The following GPX3 variants were observed in gnomAD, a reference collection of about 807,000 sequenced individuals.
GPX3 encodes the protein GPx-3.
Under a neutral mutation model 25.1 loss-of-function variants are expected in GPX3, and 22 were observed. The ratio of observed to expected loss-of-function variants is 0.88; its 90% CI spans 0.63 to 1.25. The LOEUF is 1.25. Ranked by LOEUF, GPX3 falls within the 50% of genes most tolerant of loss-of-function variation. GPX3 has a pLI of 0.00. For missense variants in GPX3, 278 were observed against 286.6 expected, an observed-to-expected ratio of 0.97 and a Z score of 0.22; for synonymous variants, 110 against 114.5, an observed-to-expected ratio of 0.96 and a Z score of 0.25.
rs771337658 is a variant in GPX3, at chr5:151,027,988, G to C, written c.539G>C (p.Arg180Pro). Residue 180 changes from arginine to proline, a missense_variant, in exon 5 of 5, where the codon CGC becomes CCC. By Grantham distance (103) the Arg-to-Pro change is moderately radical (BLOSUM62 -2). Transcript: ENST00000388825. The stretch of plus-strand genomic sequence containing the variant: ...GAACCCATGAAGGTTCACGACATCC[G>C]CTGGAACTTTGAGAAGTTCCTGGTG... ...FWEPMKVHDI[R>P]WNFEKFLVGP... The C allele has an allele frequency of 9.3e-6, 15 of 1,614,076 alleles. No homozygotes were observed. Among genetic ancestry groups the C allele is most frequent in the Non-Finnish European group, 1.1e-5 (13 of 1,180,036 alleles).
Position 151,028,506 on chromosome 5 carries a change from C to T in GPX3, c.*376C>T, listed in dbSNP as rs1756603208. 8.3e-6 allele frequency: 2 copies of T among 241,518 alleles called. No homozygotes were observed. The highest frequency in any genetic ancestry group is 4.8e-5 in the South Asian group (1 of 20,664). The allele number at this position is 241,518 out of a possible 1,614,324, so 15.0% of individuals were successfully genotyped here. A position where few individuals can be genotyped will look rare whatever the true frequency, so the allele number is the denominator to read the frequency against. On this transcript the variant is annotated 3_prime_UTR_variant, in exon 5 of 5. Transcript: ENST00000388825. ...TGATAATAGTTCACTTACACCTAAA[C>T]CCAAAGGAAAAACCAGCTCTAGGTC...
chr5:151,021,053 C>CAT, intron 1 of GPX3: 1 of 387,984 alleles, frequency 2.6e-6, no homozygotes, highest in Non-Finnish European at 4.8e-6. Context: ...CGCCTTGCTA[C>CAT]ATCTATGTCA....
In GPX3 at chr5:151,028,876, G is replaced by A. The variant is rs960116695; in HGVS notation, c.*746G>A. The stretch of plus-strand genomic sequence containing the variant: ...CCAGCCCTTAGTGCATTCAGGCTAA[G>A]GCCCCTGGGCAGGGATGCCACCCCT... On this transcript the variant is annotated 3_prime_UTR_variant, in exon 5 of 5. Transcript: ENST00000388825. 1.3e-5 allele frequency: 2 copies of A among 152,892 alleles called. No individual in the cohort carries two copies. The highest frequency in any genetic ancestry group is 2.9e-5 in the Non-Finnish European group (2 of 68,174). The allele number at this position is 152,892 out of a possible 1,614,324, so 9.5% of individuals were successfully genotyped here.
chr5:151,025,329 CTG>C lies in GPX3; in HGVS notation c.88-7_88-6del. 6.4e-7 allele frequency: 1 copy of C among 1,551,926 alleles called. No individual in the cohort carries two copies. Among genetic ancestry groups the C allele is most frequent in the Non-Finnish European group, 8.7e-7 (1 of 1,144,836 alleles). On this transcript the variant is annotated splice_polypyrimidine_tract_variant and intron_variant, in intron 1 of 4. Transcript: ENST00000388825. The stretch of plus-strand genomic sequence containing the variant: ...CAGCTCTAACTGCTCCTTTTATGGC[CTG>C]TGTTCCAGATGGACTGCCATGGTGG...
intron 2 of GPX3, 138 bp downstream of exon 2, chr5:151,025,631 C>G (rs913627461): frequency 1.4e-5 from 10 of 709,154 alleles, no homozygotes; most frequent in Middle Eastern, 4.2e-4. Context: ...CCACTGTGTT[C>G]CGTGGTTTTG....
In GPX3 at chr5:151,027,495, T is replaced by C. The variant is rs749039304; in HGVS notation, c.423T>C (p.Asn141=). Residue 141 remains asparagine (N), a synonymous_variant, in exon 4 of 5, where the codon AAT becomes AAC. Coordinates refer to ENST00000388825, the MANE Select transcript of GPX3 (RefSeq NM_002084.5). ...AGCTCTTTGAGAAAGGGGATGTCAA[T>C]GGAGAGAAAGAGCAGAAATTCTACA... ...NFQLFEKGDV[N]GEKEQKFYTF... 2 of 1,613,474 alleles carry C rather than the reference T, an allele frequency of 1.2e-6. No homozygotes were observed. Among genetic ancestry groups the C allele is most frequent in the Admixed American group, 1.7e-5 (1 of 60,016 alleles).
rs886689390 is a variant in GPX3, at chr5:151,028,367, G to A, written c.*237G>A. ...TGCGTGATTGTGTGTGTGTGCATGG[G>A]TGTACAGCCACGTGTCTACCTATGT... is the stretch of plus-strand genomic sequence containing the variant. On this transcript the variant is annotated 3_prime_UTR_variant, in exon 5 of 5. Transcript: ENST00000388825. The A allele has an allele frequency of 2.4e-5, 13 of 544,296 alleles. No individual in the cohort carries two copies. Among genetic ancestry groups the A allele is most frequent in the African/African-American group, 2.1e-4 (11 of 52,852 alleles). The allele number at this position is 544,296 out of a possible 1,614,324, so 33.7% of individuals were successfully genotyped here. A position where few individuals can be genotyped will look rare whatever the true frequency, so the allele number is the denominator to read the frequency against.
intron 1 of GPX3, among the ~76,000 whole-genome samples, chr5:151,024,475 GAAACTCAGGTCCGAAGA>G (rs907344995): frequency 2.0e-5 from 3 of 152,124 alleles, no homozygotes; most frequent in African/African-American, 7.2e-5. Flanking sequence ...TATAAATGAG[GAAACTCAGGTCCGAAGA>G]AAAGAAAGGG....
rs1756606910 is a variant in GPX3 at position 151,028,605 on chromosome 5, T to A, written c.*475T>A. ...CACTGCCTCCAAATATTAGTAACTATGACTGACGTCCCCAGAAGTTTCTGG... is the reference window on the plus strand; with the variant it reads ...CACTGCCTCCAAATATTAGTAACTAAGACTGACGTCCCCAGAAGTTTCTGG... On this transcript the variant is annotated 3_prime_UTR_variant, in exon 5 of 5. Transcript: ENST00000388825. 1 of 167,942 alleles carries A rather than the reference T, an allele frequency of 6.0e-6. No individual in the cohort carries two copies. The highest frequency in any genetic ancestry group is 2.4e-5 in the African/African-American group (1 of 41,728). 10.4% of individuals were successfully genotyped at this position (167,942 alleles called of 1,614,324 possible). A position where few individuals can be genotyped will look rare whatever the true frequency, so the allele number is the denominator to read the frequency against.
At position 151,020,599 on chromosome 5, in the gene GPX3, G is replaced by T; in HGVS notation, c.-56G>T. 6.8e-7 allele frequency: 1 copy of T among 1,467,300 alleles called. No homozygotes were observed. Among genetic ancestry groups the T allele is most frequent in the Non-Finnish European group, 9.3e-7 (1 of 1,079,188 alleles). 90.9% of individuals were successfully genotyped at this position (1,467,300 alleles called of 1,614,324 possible). Reference sequence around the variant, plus strand: ...GGAGCGCCGGACACCTCAGACGGACGGTGGCCAGGGATCAGGCAGCGGCTC... The same window carrying T: ...GGAGCGCCGGACACCTCAGACGGACTGTGGCCAGGGATCAGGCAGCGGCTC... On this transcript the variant is annotated 5_prime_UTR_variant, in exon 1 of 5. Coordinates refer to ENST00000388825, the MANE Select transcript of GPX3 (RefSeq NM_002084.5).
chr5:151,028,311 A>G lies in GPX3; in HGVS notation c.*181A>G. 1.6e-6 allele frequency: 1 copy of G among 618,378 alleles called. No homozygotes were observed. 38.3% of individuals were successfully genotyped at this position (618,378 alleles called of 1,614,324 possible). A position where few individuals can be genotyped will look rare whatever the true frequency, so the allele number is the denominator to read the frequency against. On this transcript the variant is annotated 3_prime_UTR_variant, in exon 5 of 5. Coordinates refer to ENST00000388825, the MANE Select transcript of GPX3 (RefSeq NM_002084.5). ...CTGCCAGGCATGTGGGTGTGGGTGC[A>G]TGTGGGTGTTTACACACATGCCTAC...
Position 151,028,203 on chromosome 5 carries a change from C to T in GPX3, c.*73C>T, listed in dbSNP as rs188838205. ...TTCAGGAAGAAATCCGTGTCTCCAA[C>T]CACACTATCTACCCATCACAGACCC... is the stretch of plus-strand genomic sequence containing the variant. On this transcript the variant is annotated 3_prime_UTR_variant, in exon 5 of 5. Transcript: ENST00000388825. 1.9e-4 allele frequency: 245 copies of T among 1,318,846 alleles called. 1 individual carries two copies. The highest frequency in any genetic ancestry group is 6.5e-4 in the East Asian group (26 of 39,990). 81.7% of individuals were successfully genotyped at this position (1,318,846 alleles called of 1,614,324 possible).
At chr5:151,020,990 G>A in intron 1 of GPX3, 1 of 536,344 alleles carries the variant, frequency 1.9e-6, no homozygotes, top group African/African-American at 1.9e-5. Flanking sequence ...GACTAAGGGA[G>A]GAAGGTCTCT....
chr5:151,022,831 A>G (rs1365295646), intron 1 of GPX3, among the ~76,000 whole-genome samples: 1 of 152,076 alleles, frequency 6.6e-6, no homozygotes, highest in Non-Finnish European at 1.5e-5. Context: ...GAATCATGGA[A>G]CCACAGGCTG....
intron 1 of GPX3, among the ~76,000 whole-genome samples, chr5:151,022,330 AG>A (rs1756489427): frequency 6.6e-6 from 1 of 152,008 alleles, no homozygotes; most frequent in African/African-American, 2.4e-5. Context: ...TCTTCTCTGC[AG>A]CACTCTGGGG....
chr5:151,022,534 C>T (rs1327112759), intron 1 of GPX3, among the ~76,000 whole-genome samples: 1 of 152,174 alleles, frequency 6.6e-6, no homozygotes, highest in Admixed American at 6.5e-5. Flanking sequence ...TCACCTTACC[C>T]CCAACCCCAG....
intron 1 of GPX3, among the ~76,000 whole-genome samples, chr5:151,022,204 G>A (rs3792798): frequency 0.14 from 21,462 of 152,204 alleles, 2,019 homozygotes; most frequent in East Asian, 0.43. Context: ...GGCCAGCACC[G>A]TGGAGTCAGT....
Position 151,026,883 on chromosome 5 carries a change from C to G in GPX3, c.242-17C>G. ...TCGCCAGGATACTCCCACATCTGCT[C>G]TTTCTCTTTGGCCCAGAACTGAATG... On this transcript the variant is annotated splice_polypyrimidine_tract_variant and intron_variant, in intron 2 of 4. Transcript: ENST00000388825. 1.3e-6 allele frequency: 2 copies of G among 1,588,272 alleles called. No individual in the cohort carries two copies. The highest frequency in any genetic ancestry group is 1.7e-6 in the Non-Finnish European group (2 of 1,157,948).
rs756837158 is a variant in GPX3, at chr5:151,020,777, A to C, written c.87+36A>C. ...CTCCGGGCCGGGGGCCGGGAGAAAA[A>C]ACCTAGCCCCTCGGTGTCCAGCGCT... On this transcript the variant is annotated intron_variant, in intron 1 of 4. Coordinates refer to ENST00000388825, the MANE Select transcript of GPX3 (RefSeq NM_002084.5). The C allele has an allele frequency of 1.9e-6, 3 of 1,576,406 alleles. No individual in the cohort carries two copies. The Admixed American group carries it at 5.1e-5, about 27-fold the overall frequency.
Sources: allele counts gnomAD v4.1 joint callset (sites outside exome capture counted in the v4.1 genomes callset), GRCh38; gene constraint gnomAD v4.1.1; transcripts MANE v1.5; gene names NCBI Gene and HGNC (gene_info 2026-07-23, HGNC 2026-07-21).